Variants in LUC7L2 observed in about 807,000 individuals in gnomAD.
LUC7L2 encodes the protein putative RNA-binding protein Luc7-like 2.
LUC7L2 carries 25 observed loss-of-function variants against 52.8 expected under a neutral mutation model. That is an observed-to-expected ratio of 0.47 (90% CI 0.34 to 0.66). LUC7L2 has a LOEUF of 0.66. Ranked by LOEUF, LUC7L2 falls within the 30% of genes least tolerant of loss-of-function variation. The probability of loss-of-function intolerance (pLI) is 0.01; values close to 1 mark genes in which losing one functional copy is unlikely to be tolerated. For missense variants in LUC7L2, 328 were observed against 497.8 expected (o/e 0.66, Z 3.25); for synonymous variants, 144 against 160.9 (o/e 0.89, Z 0.80).
intron 1 of LUC7L2, among the ~76,000 whole-genome samples, chr7:139,362,932 A>G (rs945229154): frequency 6.6e-6 from 1 of 152,184 alleles, no homozygotes; most frequent in Non-Finnish European, 1.5e-5. Flanking sequence ...CCTAAACTTC[A>G]CTGGAATCCT....
chr7:139,422,059 G>T, intron 9 of LUC7L2, 104 bp from the exon 10 acceptor site: 1 of 1,452,730 alleles, frequency 6.9e-7, no homozygotes, highest in Non-Finnish European at 9.1e-7. Flanking sequence ...GGGTATATTC[G>T]TCTATATATC....
intron 1 of LUC7L2, chr7:139,374,634 C>T (rs1159202849): frequency 1.4e-6 from 2 of 1,445,244 alleles, no homozygotes; most frequent in Non-Finnish European, 1.8e-6. Flanking sequence ...TAGAGACGAG[C>T]TTCTAGAAAA....
chr7:139,418,307 A>G (rs182149990), intron 9 of LUC7L2, among the ~76,000 whole-genome samples: 1 of 152,318 alleles, frequency 6.6e-6, no homozygotes, highest in Admixed American at 6.5e-5. Flanking sequence ...ATGTTTGAGG[A>G]CTTGAATATC....
intron 2 of LUC7L2, 139 bp from the exon 3 acceptor site, chr7:139,398,460 G>A (rs1384157100): frequency 3.6e-5 from 20 of 559,164 alleles, no homozygotes; most frequent in Non-Finnish European, 5.4e-5. Flanking sequence ...ATTTGTCTAT[G>A]AAATTTTGTA....
intron 1 of LUC7L2, among the ~76,000 whole-genome samples, chr7:139,353,568 A>G (rs1043332088): frequency 2.6e-5 from 4 of 152,128 alleles, no homozygotes; most frequent in Admixed American, 1.3e-4. Flanking sequence ...TTGGGAGGCC[A>G]AGGCGGGTGG....
chr7:139,412,437 C>T (rs978831814), intron 7 of LUC7L2, 114 bp from the exon 8 acceptor site: 2 of 1,319,052 alleles, frequency 1.5e-6, no homozygotes, highest in Non-Finnish European at 2.0e-6. Flanking sequence ...AGGTACACGC[C>T]TTGTATTTAT....
At position 139,402,137 on chromosome 7, in the gene LUC7L2, G is replaced by A; in HGVS notation, c.256G>A (p.Ala86Thr). The change falls in exon 4 of 10, where the codon GCC becomes ACC. Residue 86 changes from alanine to threonine, a missense_variant and splice_region_variant. Physicochemically the swap from Ala to Thr is moderately conservative, Grantham distance 58. Coordinates refer to ENST00000354926, the MANE Select transcript of LUC7L2 (RefSeq NM_016019.5). The part of the protein sequence containing the change: ...KEQDFFFELD[A>T]MDHLQSFIAD... ...AATTGTCTTTAATTAAACTTTGTAG[G>A]CCATGGATCATCTGCAGTCATTCAT... 6.3e-7 allele frequency: 1 copy of A among 1,587,688 alleles called. No homozygotes were observed. The highest frequency in any genetic ancestry group is 8.5e-7 in the Non-Finnish European group (1 of 1,172,546).
chr7:139,366,705 A>G (rs941793138), intron 1 of LUC7L2, among the ~76,000 whole-genome samples: 1 of 152,240 alleles, frequency 6.6e-6, no homozygotes, highest in Non-Finnish European at 1.5e-5. Context: ...CTCTAACAAA[A>G]GCTTGTTGAT....
intron 3 of LUC7L2, among the ~76,000 whole-genome samples, chr7:139,401,303 G>C (rs1794904975): frequency 6.6e-6 from 1 of 152,148 alleles, no homozygotes; most frequent in East Asian, 1.9e-4. Context: ...ATTTTGTATA[G>C]TTTTCCATTT....
chr7:139,371,412 A>G (rs1800443053), intron 1 of LUC7L2: 8 of 1,273,858 alleles, frequency 6.3e-6, no homozygotes, highest in Admixed American at 2.0e-5. Context: ...ATCACATAGC[A>G]TGGTCATCCA....
intron 1 of LUC7L2, chr7:139,341,077 T>G: frequency 3.7e-6 from 1 of 269,016 alleles, no homozygotes. Flanking sequence ...GACTCAGCGG[T>G]TGGTCGGCTA....
intron 1 of LUC7L2, among the ~76,000 whole-genome samples, chr7:139,350,493 C>G (rs1450388715): frequency 6.6e-6 from 1 of 152,054 alleles, no homozygotes; most frequent in Non-Finnish European, 1.5e-5. Context: ...TACTCATCCT[C>G]AATGCACTGC....
intron 1 of LUC7L2, among the ~76,000 whole-genome samples, chr7:139,367,790 T>A (rs539564847): frequency 1.3e-5 from 2 of 152,312 alleles, no homozygotes; most frequent in East Asian, 3.9e-4. Context: ...AATTACCTCA[T>A]TTAGCTCAAT....
In LUC7L2 at chr7:139,405,659, G is replaced by T; in HGVS notation, c.382G>T (p.Glu128Ter). 6.2e-7 allele frequency: 1 copy of T among 1,606,458 alleles called. No homozygotes were observed. The highest frequency in any genetic ancestry group is 8.5e-7 in the Non-Finnish European group (1 of 1,177,960). ...EVAAKAERVH[E>*]LNEEIGKLLA... ...TTCTTTTTAGGCAGAACGTGTTCAT[G>T]AGTTAAATGAAGAAATTGGTAAATT... Residue 128 changes from glutamate to a stop codon, truncating the protein, a stop_gained, in exon 5 of 10, where the codon GAG (glutamate) becomes TAG (stop). Transcript: ENST00000354926. LOFTEE classifies it high-confidence loss of function.
At chr7:139,380,603 A>T (rs1800964204) in intron 2 of LUC7L2, among the ~76,000 whole-genome samples, 1 of 152,218 alleles carries the variant, frequency 6.6e-6, no homozygotes, top group African/African-American at 2.4e-5. Flanking sequence ...CCGTTTAAAA[A>T]AATAATAATA....
At chr7:139,370,456 GTTTT>G (rs897132470) in intron 1 of LUC7L2, among the ~76,000 whole-genome samples, 2 of 152,054 alleles carry the variant, frequency 1.3e-5, no homozygotes, top group Non-Finnish European at 2.9e-5. Flanking sequence ...AGACACAAGG[GTTTT>G]TTGTTTGTTT....
chr7:139,393,269 A>G (rs967227254), intron 2 of LUC7L2, among the ~76,000 whole-genome samples: 1 of 151,908 alleles, frequency 6.6e-6, no homozygotes, highest in Non-Finnish European at 1.5e-5. Context: ...TCTGTCTCCA[A>G]AAAATTAGCC....
At chr7:139,417,502 AC>A in intron 8 of LUC7L2, 35 bp from the exon 9 acceptor site, 3 of 1,593,216 alleles carry the variant, frequency 1.9e-6, no homozygotes, top group Non-Finnish European at 2.6e-6. Flanking sequence ...TATAGTAATT[AC>A]AAAGGTAGAA....
At chr7:139,383,081 A>C (rs1049294055) in intron 2 of LUC7L2, among the ~76,000 whole-genome samples, 29 of 152,002 alleles carry the variant, frequency 1.9e-4, no homozygotes, top group Non-Finnish European at 4.0e-4. Flanking sequence ...GCATGCCACC[A>C]TGCCTGGCTA....
Sources: gnomAD v4.1 joint callset for allele counts (sites outside exome capture counted in the v4.1 genomes callset) on GRCh38, gnomAD v4.1.1 for gene constraint, MANE v1.5 for transcripts, NCBI Gene and HGNC (gene_info 2026-07-23, HGNC 2026-07-21) for gene names.